SLC34A2: variants seen among roughly 807,000 people sequenced by gnomAD.
SLC34A2 encodes the protein solute carrier family 34 member 2, also known as sodium-dependent phosphate transport protein 2B.
Under a neutral mutation model 50.8 loss-of-function variants are expected in SLC34A2, and 41 were observed. The observed-to-expected ratio is 0.81, with a 90% CI of 0.63 to 1.05. The LOEUF (loss-of-function observed/expected upper bound fraction) is 1.05, where lower values mean the gene tolerates loss of function less well. Among genes scored for constraint, SLC34A2 ranks in the 50% least tolerant of loss-of-function variants. The pLI, the probability that SLC34A2 is intolerant of heterozygous loss-of-function variation, is 0.00. For missense variants in SLC34A2, 879 were observed against 876.7 expected (o/e 1.00, Z -0.03); for synonymous variants, 401 against 364.2 (o/e 1.10, Z -1.15).
intron 8 of SLC34A2, among the ~76,000 whole-genome samples, chr4:25,671,251 T>C (rs764023505): frequency 4.6e-5 from 7 of 152,146 alleles, no homozygotes; most frequent in Non-Finnish European, 8.8e-5. Flanking sequence ...GCCCAGAGCA[T>C]TCATGCCCTC....
In SLC34A2 at chr4:25,667,904, C is replaced by G; in HGVS notation, c.548C>G (p.Pro183Arg). The G allele has an allele frequency of 1.2e-6, 2 of 1,613,596 alleles. No individual in the cohort carries two copies. The highest frequency in any genetic ancestry group is 1.7e-6 in the Non-Finnish European group (2 of 1,179,522). ...SSLLTVRAAI[P>R]IIMGANIGTS... ...GTGCTCACTGTTCGGGCTGCCATCC[C>G]CATTATCATGGGGGCCAACATTGGA... The change falls in exon 6 of 13, where the codon CCC becomes CGC. Residue 183 changes from proline (P) to arginine (R), a missense_variant. Transcript: ENST00000382051.
At chr4:25,671,899 A>T (rs1714838243) in intron 9 of SLC34A2, among the ~76,000 whole-genome samples, 178 bp downstream of exon 9, 1 of 152,210 alleles carries the variant, frequency 6.6e-6, no homozygotes, top group South Asian at 2.1e-4. Flanking sequence ...TTAGGAACTG[A>T]GGTGACAGGC....
rs866115091 is a variant in SLC34A2, at chr4:25,668,652, A to T, written c.635+661A>T. Among the ~76,000 whole-genome samples the T allele has an allele frequency of 4.2e-4, 63 of 151,700 alleles. 1 individual carries two copies. The highest frequency in any genetic ancestry group is 1.0e-3 in the African/African-American group (42 of 41,288). On this transcript the variant is annotated intron_variant, in intron 6 of 12. Coordinates refer to ENST00000382051, the MANE Select transcript of SLC34A2 (RefSeq NM_006424.3). ...GTGAGACTCCATCTAAAAAAAAAAA[A>T]AAAAATAAATAAATACTGTTTTGTT...
chr4:25,661,451 G>A (rs760699734), intron 1 of SLC34A2, among the ~76,000 whole-genome samples: 3 of 152,148 alleles, frequency 2.0e-5, no homozygotes, highest in Non-Finnish European at 4.4e-5. Context: ...ACAGTGGCAT[G>A]ATCTCAGTTC....
Position 25,670,739 on chromosome 4 carries a change from T to C in SLC34A2, c.833T>C (p.Leu278Pro). The change falls in exon 8 of 13, where the codon CTG becomes CCG. Residue 278 changes from leucine (L) to proline (P), a missense_variant and splice_region_variant. Physicochemically the swap from Leu to Pro is moderately conservative, Grantham distance 98. Coordinates refer to ENST00000382051, the MANE Select transcript of SLC34A2 (RefSeq NM_006424.3). The part of the protein sequence containing the change: ...TKPFTKLIVQ[L>P]DKKVISQIAM... ...GTTTCCTGTCTACTGTTTCCACAGC[T>C]GGATAAAAAAGTTATCAGCCAAATT... The C allele has an allele frequency of 6.2e-7, 1 of 1,612,976 alleles. No individual in the cohort carries two copies. Among genetic ancestry groups the C allele is most frequent in the Non-Finnish European group, 8.5e-7 (1 of 1,179,062 alleles).
At chr4:25,664,101 G>T in intron 3 of SLC34A2, 101 bp from the exon 4 acceptor site, 2 of 1,130,180 alleles carry the variant, frequency 1.8e-6, no homozygotes, top group South Asian at 2.5e-5. Context: ...GAAGGGAGGG[G>T]AGGTCGGGGG....
chr4:25,674,572 C>T lies in SLC34A2; in HGVS notation c.1401C>T (p.Thr467=). ...LTLGSNIGTT[T]TAILAALASP... ...TGGGCTCCAACATCGGCACCACCAC[C>T]ACCGCCATCCTGGCCGCCTTAGCCA... The change falls in exon 12 of 13, where the codon ACC becomes ACT. Residue 467 remains threonine (T), a synonymous_variant. Transcript: ENST00000382051. The T allele has an allele frequency of 6.2e-7, 1 of 1,614,218 alleles. No individual in the cohort carries two copies. The highest frequency in any genetic ancestry group is 8.5e-7 in the Non-Finnish European group (1 of 1,180,036).
At chr4:25,674,213 C>T (rs910177454) in intron 10 of SLC34A2, 83 bp from the exon 11 acceptor site, 2 of 932,346 alleles carry the variant, frequency 2.1e-6, no homozygotes, top group Non-Finnish European at 3.5e-6. Context: ...TACAACCTCA[C>T]CCCTAAGCCC....
chr4:25,662,640 C>T (rs780264073), intron 2 of SLC34A2, 28 bp downstream of exon 2: 83 of 1,613,842 alleles, frequency 5.1e-5, no homozygotes, highest in Non-Finnish European at 6.5e-5. Context: ...GTCTGCAGAT[C>T]GGCCTTTGTG....
chr4:25,673,335 A>C, intron 10 of SLC34A2, 81 bp downstream of exon 10: 1 of 1,291,740 alleles, frequency 7.7e-7, no homozygotes, highest in Non-Finnish European at 1.1e-6. Context: ...CCCATCTAGC[A>C]ATGGCCTCTG....
intron 12 of SLC34A2, among the ~76,000 whole-genome samples, chr4:25,675,665 G>A (rs1445072888): frequency 1.3e-5 from 2 of 152,170 alleles, no homozygotes; most frequent in African/African-American, 4.8e-5. Context: ...TTTGAAATCT[G>A]GTGTGTATTT....
At chr4:25,661,223 T>C (rs1714165928) in intron 1 of SLC34A2, among the ~76,000 whole-genome samples, 1 of 152,174 alleles carries the variant, frequency 6.6e-6, no homozygotes, top group South Asian at 2.1e-4. Context: ...TTCCATTTTA[T>C]AGATGGAGAA....
rs1215810420 is a variant in SLC34A2 at position 25,677,295 on chromosome 4, TG to T, written c.*549del. ...TTTGGAAACTGCAGACCACAAGGTG[TG>T]GGTCTATCCCACTTCCTAGTGCTCC... On this transcript the variant is annotated 3_prime_UTR_variant, in exon 13 of 13. Transcript: ENST00000382051. 3.1e-5 allele frequency: 5 copies of T among 162,430 alleles called. No homozygotes were observed. Among genetic ancestry groups the T allele is most frequent in the African/African-American group, 9.6e-5 (4 of 41,634 alleles). 10.1% of individuals were successfully genotyped at this position (162,430 alleles called of 1,614,324 possible).
intron 12 of SLC34A2, among the ~76,000 whole-genome samples, chr4:25,675,234 T>C (rs1560242651): frequency 6.6e-6 from 1 of 152,178 alleles, no homozygotes; most frequent in Admixed American, 6.5e-5. Context: ...GGTTTCCCTA[T>C]GTTGGCCAGG....
intron 7 of SLC34A2, 45 bp from the exon 8 acceptor site, chr4:25,670,693 G>T (rs200876077): frequency 5.4e-6 from 8 of 1,479,186 alleles, no homozygotes; most frequent in South Asian, 4.6e-5. Flanking sequence ...GTCCTAAATC[G>T]GTTCTGAGGA....
chr4:25,664,196 C>A lies in SLC34A2; in HGVS notation c.251-6C>A, dbSNP rs1714364718. 4 of 1,612,250 alleles carry A rather than the reference C, an allele frequency of 2.5e-6. No individual in the cohort carries two copies. The highest frequency in any genetic ancestry group is 1.1e-5 in the South Asian group (1 of 90,988). On this transcript the variant is annotated splice_region_variant and splice_polypyrimidine_tract_variant and intron_variant, in intron 3 of 12. Transcript: ENST00000382051. ...CTCTCTCTCCCCCCATCCCACCCCC[C>A]TGCAGAGAGAGACACCAAAGGGAAG... is the stretch of plus-strand genomic sequence containing the variant.
chr4:25,677,000 A>G lies in SLC34A2; in HGVS notation c.*251A>G. 1.8e-6 allele frequency: 1 copy of G among 548,964 alleles called. No homozygotes were observed. The highest frequency in any genetic ancestry group is 3.2e-6 in the Non-Finnish European group (1 of 308,142). The allele number at this position is 548,964 out of a possible 1,614,324, so 34.0% of individuals were successfully genotyped here. ...CACAGGATGGTACCTAAAGAGAATT[A>G]GAGAATGAACCTGGCGGGACGGATG... On this transcript the variant is annotated 3_prime_UTR_variant, in exon 13 of 13. Transcript: ENST00000382051.
rs1391627315 is a variant in SLC34A2, at chr4:25,677,175, TC to T, written c.*429del. The T allele has an allele frequency of 5.6e-6, 1 of 177,290 alleles. No individual in the cohort carries two copies. Among genetic ancestry groups the T allele is most frequent in the Non-Finnish European group, 1.2e-5 (1 of 81,724 alleles). 11.0% of individuals were successfully genotyped at this position (177,290 alleles called of 1,614,324 possible). On this transcript the variant is annotated 3_prime_UTR_variant, in exon 13 of 13. Coordinates refer to ENST00000382051, the MANE Select transcript of SLC34A2 (RefSeq NM_006424.3). ...TCTATGACTATCAAGCTCAGGCCTC[TC>T]CCTTTTTTTAAACCAAAGTCTGGCA... is the stretch of plus-strand genomic sequence containing the variant.
intron 7 of SLC34A2, among the ~76,000 whole-genome samples, chr4:25,670,058 A>G (rs1334616634): frequency 6.6e-6 from 1 of 152,152 alleles, no homozygotes; most frequent in Non-Finnish European, 1.5e-5. Flanking sequence ...CCCTGTCTAT[A>G]CTAAAATGCA....
Sources: gnomAD v4.1 joint callset for allele counts (sites outside exome capture counted in the v4.1 genomes callset) on GRCh38, gnomAD v4.1.1 for gene constraint, MANE v1.5 for transcripts, NCBI Gene and HGNC (gene_info 2026-07-23, HGNC 2026-07-21) for gene names.